The following SLF2 variants were observed in gnomAD, a reference collection of about 807,000 sequenced individuals.
The protein encoded by SLF2 is SMC5/6 complex localization factor 2.
SLF2 carries 68 observed loss-of-function variants against 124.3 expected under a neutral mutation model. That is an observed-to-expected ratio of 0.55 (90% CI 0.45 to 0.67). The LOEUF is 0.67. SLF2 is among the 30% of genes least tolerant of loss of function. The probability of loss-of-function intolerance (pLI) is 0.00; values close to 1 mark genes in which losing one functional copy is unlikely to be tolerated. For missense variants in SLF2, 1,246 were observed against 1,373.7 expected (o/e 0.91, Z 1.47); for synonymous variants, 480 against 478.8 (o/e 1.00, Z -0.03).
intron 6 of SLF2, 175 bp downstream of exon 6, chr10:100,926,194 CACA>C: frequency 6.5e-7 from 1 of 1,549,892 alleles, no homozygotes; most frequent in East Asian, 2.4e-5. Context: ...TGCCTGTAAT[CACA>C]ACACTTTGGG....
chr10:100,915,883 T>C (rs1849404002), intron 1 of SLF2, 116 bp from the exon 2 acceptor site: 2 of 822,690 alleles, frequency 2.4e-6, no homozygotes, highest in African/African-American at 1.7e-5. Context: ...GTCAGAACTT[T>C]ATTAAACCAA....
rs921507326 is a variant in SLF2 at position 100,944,292 on chromosome 10, G to T, written c.2757+164G>T. Reference sequence around the variant, plus strand: ...GGGCAGATCACAAGGTCAGGAGATCGAGACCATCCTGGCTAACACGGTGAA... The same window carrying T: ...GGGCAGATCACAAGGTCAGGAGATCTAGACCATCCTGGCTAACACGGTGAA... On this transcript the variant is annotated intron_variant, in intron 12 of 19. Coordinates refer to ENST00000238961, the MANE Select transcript of SLF2 (RefSeq NM_018121.4). Among the ~76,000 whole-genome samples, 4 of 151,628 alleles carry T rather than the reference G, an allele frequency of 2.6e-5. 1 individual carries two copies. In the South Asian group the frequency reaches 8.3e-4, roughly 31 times the overall value.
At position 100,916,762 on chromosome 10, in the gene SLF2, A is replaced by G; in HGVS notation, c.377A>G (p.His126Arg). The G allele has an allele frequency of 1.2e-6, 2 of 1,607,564 alleles. No homozygotes were observed. The highest frequency in any genetic ancestry group is 1.7e-6 in the Non-Finnish European group (2 of 1,177,616). ...MKGVKEHHED[H>R]GIHESRRPCL... ...GGTGTTAAAGAGCACCATGAAGATC[A>G]TGGTATACATGAGTCACGTCGGCCT... Residue 126 changes from histidine to arginine, a missense_variant, in exon 3 of 20, where the codon CAT becomes CGT. Coordinates refer to ENST00000238961, the MANE Select transcript of SLF2 (RefSeq NM_018121.4).
chr10:100,942,491 CCAT>C (rs1224659890), intron 11 of SLF2, among the ~76,000 whole-genome samples: 1 of 152,086 alleles, frequency 6.6e-6, no homozygotes, highest in African/African-American at 2.4e-5. Flanking sequence ...CTCCACCTTC[CCAT>C]CATTTTTTTT....
In SLF2 at chr10:100,929,934, A is replaced by G. The variant is rs763562398; in HGVS notation, c.2270A>G (p.Tyr757Cys). 2.5e-6 allele frequency: 4 copies of G among 1,588,140 alleles called. No individual in the cohort carries two copies. Among genetic ancestry groups the G allele is most frequent in the Non-Finnish European group, 3.4e-6 (4 of 1,169,180 alleles). Residue 757 changes from tyrosine to cysteine, a missense_variant, in exon 8 of 20, where the codon TAT becomes TGT. Physicochemically the swap from Tyr to Cys is radical, Grantham distance 194. This residue lies in a region of SLF2 where 535 missense variants were observed against 632.8 expected (regional missense o/e 0.85). Transcript: ENST00000238961. The part of the protein sequence containing the change: ...FLNSGKIFNQ[Y>C]TLDLRDSGFI... Reference sequence around the variant, plus strand: ...AATTCTGGAAAAATTTTCAATCAGTATACCTTGGATTTAAGAGACTCTGGT... The same window carrying G: ...AATTCTGGAAAAATTTTCAATCAGTGTACCTTGGATTTAAGAGACTCTGGT...
At chr10:100,948,635 C>G (rs1850152539) in intron 15 of SLF2, among the ~76,000 whole-genome samples, 1 of 152,156 alleles carries the variant, frequency 6.6e-6, no homozygotes, top group Admixed American at 6.5e-5. Context: ...GTAATCCCAG[C>G]ACTTTAGGAG....
chr10:100,952,979 A>G (rs1022174395), intron 17 of SLF2, among the ~76,000 whole-genome samples: 15 of 152,180 alleles, frequency 9.9e-5, no homozygotes, highest in African/African-American at 3.6e-4. Context: ...AGAAGCTAAT[A>G]TAGTCATCTG....
At chr10:100,921,281 T>C (rs1055389821) in intron 4 of SLF2, among the ~76,000 whole-genome samples, 1 of 152,210 alleles carries the variant, frequency 6.6e-6, no homozygotes, top group East Asian at 1.9e-4. Context: ...AGTGGTGAGA[T>C]TGTAGCTCAC....
At position 100,924,295 on chromosome 10, in the gene SLF2, A is replaced by G; in HGVS notation, c.1294A>G (p.Lys432Glu). The G allele has an allele frequency of 3.7e-6, 6 of 1,614,176 alleles. No homozygotes were observed. The highest frequency in any genetic ancestry group is 4.2e-6 in the Non-Finnish European group (5 of 1,180,024). ...TGACCAAATCCAAGTGGCAGGTACC[A>G]AGGAGACTAAGATGCAGAAACCCCA... ...NSDQIQVAGT[K>E]ETKMQKPHLP... The change falls in exon 5 of 20, where the codon AAG (lysine) becomes GAG (glutamate). Residue 432 changes from lysine (K) to glutamate (E), a missense_variant. Lys to Glu is a moderately conservative substitution (Grantham distance 56). Transcript: ENST00000238961.
chr10:100,929,352 T>A lies in SLF2; in HGVS notation c.2078T>A (p.Ile693Lys), dbSNP rs756579104. The change falls in exon 7 of 20, where the codon ATA (isoleucine) becomes AAA (lysine). Residue 693 changes from isoleucine to lysine, a missense_variant. Ile to Lys is a moderately radical substitution (Grantham distance 102, BLOSUM62 -3). Transcript: ENST00000238961. ...DELQKQLQEDIRQGRGIKSPI... is the reference protein window; with the variant it reads ...DELQKQLQEDKRQGRGIKSPI... ...CTGCAGAAGCAACTACAAGAAGACATAAGGCAAGGCCGAGGCATTAAATCC... is the reference window on the plus strand; with the variant it reads ...CTGCAGAAGCAACTACAAGAAGACAAAAGGCAAGGCCGAGGCATTAAATCC... 1 of 1,613,088 alleles carries A rather than the reference T, an allele frequency of 6.2e-7. No homozygotes were observed. The highest frequency in any genetic ancestry group is 2.2e-5 in the East Asian group (1 of 44,812).
intron 9 of SLF2, 78 bp from the exon 10 acceptor site, chr10:100,937,324 T>C: frequency 8.4e-7 from 1 of 1,194,630 alleles, no homozygotes; most frequent in Non-Finnish European, 1.2e-6. Context: ...ATAAAACAAC[T>C]TTATATGTGC....
At chr10:100,938,811 A>G (rs1021769339) in intron 11 of SLF2, 75 bp downstream of exon 11, 23 of 1,300,484 alleles carry the variant, frequency 1.8e-5, no homozygotes, top group Admixed American at 1.6e-4. Context: ...CTAAAGTTTA[A>G]TATTTATTTC....
intron 4 of SLF2, among the ~76,000 whole-genome samples, chr10:100,918,648 G>T (rs891064756): frequency 4.6e-5 from 7 of 152,138 alleles, no homozygotes; most frequent in Non-Finnish European, 1.5e-5. Flanking sequence ...TTGAGACAGG[G>T]TCTTACTCTG....
chr10:100,954,573 T>C (rs1850289824), intron 17 of SLF2, among the ~76,000 whole-genome samples: 1 of 152,182 alleles, frequency 6.6e-6, no homozygotes, highest in Non-Finnish European at 1.5e-5. Flanking sequence ...TCTATACATT[T>C]CTAAAATTTA....
At chr10:100,957,670 A>C (rs1047403985) in intron 18 of SLF2, among the ~76,000 whole-genome samples, 2 of 151,990 alleles carry the variant, frequency 1.3e-5, no homozygotes, top group African/African-American at 4.8e-5. Flanking sequence ...GGAGTCTTCA[A>C]ATCTTTGGGT....
chr10:100,928,124 A>T (rs943271187), intron 6 of SLF2, among the ~76,000 whole-genome samples: 1 of 143,504 alleles, frequency 7.0e-6, no homozygotes, highest in Non-Finnish European at 1.5e-5. Context: ...GATCATAATG[A>T]TCTTAATGAA....
intron 17 of SLF2, among the ~76,000 whole-genome samples, chr10:100,951,956 C>T (rs1056268152): frequency 5.9e-5 from 9 of 152,112 alleles, no homozygotes; most frequent in South Asian, 2.1e-4. Context: ...AAACTTAGGT[C>T]GGACATGCCG....
At chr10:100,952,777 A>G (rs1850243738) in intron 17 of SLF2, among the ~76,000 whole-genome samples, 1 of 151,252 alleles carries the variant, frequency 6.6e-6, no homozygotes, top group Admixed American at 6.6e-5. Context: ...TGTCTCTACT[A>G]AAAATACAAA....
At chr10:100,959,331 G>A in intron 18 of SLF2, 97 bp from the exon 19 acceptor site, 2 of 1,087,124 alleles carry the variant, frequency 1.8e-6, no homozygotes, top group South Asian at 2.0e-5. Flanking sequence ...TTGAGTGTGG[G>A]CCTGTTGCAG....
Sources: allele counts gnomAD v4.1 joint callset (sites outside exome capture counted in the v4.1 genomes callset), GRCh38; gene constraint gnomAD v4.1.1; regional missense constraint gnomAD v4.1.1; transcripts MANE v1.5; gene names NCBI Gene and HGNC (gene_info 2026-07-23, HGNC 2026-07-21).